ITGB3BP: variants seen among roughly 807,000 people sequenced by gnomAD.
ITGB3BP encodes the protein integrin subunit beta 3 binding protein, also known as centromere protein R.
ITGB3BP carries 27 observed loss-of-function variants against 29.1 expected under a neutral mutation model. The observed-to-expected ratio is 0.93, with a 90% CI of 0.68 to 1.28. The LOEUF (loss-of-function observed/expected upper bound fraction) is 1.28, where lower values mean the gene tolerates loss of function less well. ITGB3BP is among the 50% of genes most tolerant of loss of function. ITGB3BP has a pLI of 0.00. For synonymous variants in ITGB3BP, 61 were observed against 61.4 expected, an observed-to-expected ratio of 0.99 and a Z score of 0.03; for missense variants, 192 against 200.2, an observed-to-expected ratio of 0.96 and a Z score of 0.25.
intron 8 of ITGB3BP, among the ~76,000 whole-genome samples, chr1:63,445,515 C>T (rs1011290931): frequency 6.6e-6 from 1 of 151,952 alleles, no homozygotes; most frequent in African/African-American, 2.4e-5. Flanking sequence ...AGAAAAGTAT[C>T]TTGGAGGTAG....
chr1:63,491,614 G>A (rs1645648034), intron 2 of ITGB3BP, among the ~76,000 whole-genome samples: 1 of 152,004 alleles, frequency 6.6e-6, no homozygotes, highest in Admixed American at 6.6e-5. Context: ...AAGAAATAGT[G>A]GCTGTGTCAT....
intron 1 of ITGB3BP, among the ~76,000 whole-genome samples, chr1:63,519,611 T>C (rs1646405958): frequency 6.6e-6 from 1 of 152,146 alleles, no homozygotes; most frequent in African/African-American, 2.4e-5. Context: ...GGACACTTTA[T>C]TTATAAAAGA....
chr1:63,514,305 G>A (rs1646263424), intron 1 of ITGB3BP, among the ~76,000 whole-genome samples: 1 of 152,134 alleles, frequency 6.6e-6, no homozygotes, highest in Non-Finnish European at 1.5e-5. Context: ...TATGAGTAAA[G>A]CTTCCAAGAA....
At chr1:63,501,629 G>A (rs543572818) in intron 2 of ITGB3BP, among the ~76,000 whole-genome samples, 239 of 152,168 alleles carry the variant, frequency 1.6e-3, no homozygotes, top group African/African-American at 5.5e-3. Flanking sequence ...CTAGGAGGCC[G>A]AGATGGGCAG....
At chr1:63,457,187 A>C (rs1345194494) in intron 4 of ITGB3BP, 1 of 152,146 alleles carries the variant, frequency 6.6e-6, no homozygotes, top group Non-Finnish European at 1.5e-5. Flanking sequence ...TTTAAGTGTT[A>C]TACAACTGTT....
At chr1:63,446,964 GAA>G (rs912018857) in intron 7 of ITGB3BP, 108 bp from the exon 8 acceptor site, 118 of 789,706 alleles carry the variant, frequency 1.5e-4, no homozygotes, top group Admixed American at 5.2e-4. Flanking sequence ...AAAACAACCT[GAA>G]GTCTTGTTTT....
chr1:63,497,500 C>A (rs1645817324), intron 2 of ITGB3BP, among the ~76,000 whole-genome samples: 1 of 152,094 alleles, frequency 6.6e-6, no homozygotes, highest in Non-Finnish European at 1.5e-5. Flanking sequence ...TATAAACTTA[C>A]ATCCCTTTGT....
chr1:63,494,896 G>C (rs1310744045), intron 2 of ITGB3BP, among the ~76,000 whole-genome samples: 1 of 152,102 alleles, frequency 6.6e-6, no homozygotes, highest in African/African-American at 2.4e-5. Flanking sequence ...TTGAACTCCT[G>C]GGCTCAAGTG....
upstream of ITGB3BP, chr1:63,523,666 G>A: frequency 5.7e-6 from 1 of 176,420 alleles, no homozygotes; most frequent in Non-Finnish European, 1.2e-5. Context: ...CTGTCTCTTC[G>A]CTCCCTCTGT....
rs200344835 is a variant in ITGB3BP, at chr1:63,460,027, AT to A, written c.255-5060del. Among the ~76,000 whole-genome samples the A allele has an allele frequency of 4.9e-3, 748 of 152,052 alleles. 1 individual carries two copies. Among genetic ancestry groups the A allele is most frequent in the Non-Finnish European group, 7.0e-3 (473 of 67,948 alleles). On this transcript the variant is annotated intron_variant, in intron 4 of 8. Transcript: ENST00000271002. ...TTGACATTCTTTGTCAAAAAAAAAA[AT>A]TCCCCCCCGTGTTTAGCTCTATTTA... is the stretch of plus-strand genomic sequence containing the variant.
At chr1:63,517,653 T>G (rs1002458066) in intron 1 of ITGB3BP, among the ~76,000 whole-genome samples, 1 of 152,170 alleles carries the variant, frequency 6.6e-6, no homozygotes, top group African/African-American at 2.4e-5. Context: ...GAAAATTGTT[T>G]TATAGATTTT....
intron 2 of ITGB3BP, among the ~76,000 whole-genome samples, chr1:63,506,316 A>G (rs926412217): frequency 6.6e-6 from 1 of 152,134 alleles, no homozygotes; most frequent in African/African-American, 2.4e-5. Flanking sequence ...AGTCTGTTTT[A>G]TCAGAGACTA....
In ITGB3BP at chr1:63,498,783, G is replaced by A. The variant is rs77614817; in HGVS notation, c.49-8565C>T. ...ATTCCAATAGTCAGTATTTTGAGAA[G>A]ATCAACAAAATTGGTAAATCTTCAG... is the stretch of plus-strand genomic sequence containing the variant. On this transcript the variant is annotated intron_variant, in intron 2 of 8. Transcript: ENST00000271002. Among the ~76,000 whole-genome samples, 950 of 151,032 alleles carry A rather than the reference G, an allele frequency of 6.3e-3. 5 individuals carry two copies. The highest frequency in any genetic ancestry group is 0.022 in the African/African-American group (909 of 41,214).
intron 4 of ITGB3BP, among the ~76,000 whole-genome samples, chr1:63,458,556 C>T (rs1644967782): frequency 6.6e-6 from 1 of 151,932 alleles, no homozygotes; most frequent in South Asian, 2.1e-4. Flanking sequence ...GGATGCAAGC[C>T]ATGGTATCTA....
chr1:63,522,905 CA>C, intron 1 of ITGB3BP: 1 of 721,696 alleles, frequency 1.4e-6, no homozygotes. Flanking sequence ...CGAAATCTGT[CA>C]AAAGCATCGT....
chr1:63,501,983 T>C (rs1434732569), intron 2 of ITGB3BP, among the ~76,000 whole-genome samples: 3 of 152,186 alleles, frequency 2.0e-5, no homozygotes, highest in Non-Finnish European at 2.9e-5. Flanking sequence ...AGGAAGCCTA[T>C]TGAGCTGGCC....
At chr1:63,518,566 C>G (rs1363632428) in intron 1 of ITGB3BP, among the ~76,000 whole-genome samples, 1 of 150,958 alleles carries the variant, frequency 6.6e-6, no homozygotes, top group Non-Finnish European at 1.5e-5. Context: ...ACTGTTATAT[C>G]TACCTTTCCC....
intron 4 of ITGB3BP, among the ~76,000 whole-genome samples, chr1:63,475,545 ACT>A (rs1433807052): frequency 2.6e-5 from 4 of 152,106 alleles, no homozygotes; most frequent in African/African-American, 9.7e-5. Context: ...ACAGAGCATG[ACT>A]CTGTTTCTTA....
chr1:63,452,361 T>A (rs1052342896), intron 7 of ITGB3BP, among the ~76,000 whole-genome samples: 3 of 152,288 alleles, frequency 2.0e-5, no homozygotes, highest in East Asian at 1.9e-4. Context: ...ACTATTGGTG[T>A]AGAATATATA....
Sources: allele counts gnomAD v4.1 joint callset (sites outside exome capture counted in the v4.1 genomes callset), GRCh38; gene constraint gnomAD v4.1.1; transcripts MANE v1.5; gene names NCBI Gene and HGNC (gene_info 2026-07-23, HGNC 2026-07-21).